MACROD2: variants seen among roughly 807,000 people sequenced by gnomAD.
MACROD2 encodes the protein mono-ADP ribosylhydrolase 2.
In MACROD2, 36 loss-of-function variants were observed where a neutral mutation model predicts 70.4. The ratio of observed to expected loss-of-function variants is 0.51; its 90% CI spans 0.39 to 0.68. The LOEUF is 0.68. Among genes scored for constraint, MACROD2 ranks in the 30% least tolerant of loss-of-function variants. The pLI is 0.00. For synonymous variants in MACROD2, 172 were observed against 178.8 expected (o/e 0.96, Z 0.30); for missense variants, 496 against 538.4 (o/e 0.92, Z 0.78).
intron 3 of MACROD2, among the ~76,000 whole-genome samples, chr20:14,414,468 G>C (rs2083782433): frequency 6.6e-6 from 1 of 152,136 alleles, no homozygotes; most frequent in Non-Finnish European, 1.5e-5. Context: ...TTTCTTGCCT[G>C]GATGATGGCA....
intron 3 of MACROD2, among the ~76,000 whole-genome samples, chr20:14,307,865 T>C (rs1032506221): frequency 6.6e-6 from 1 of 152,164 alleles, no homozygotes; most frequent in African/African-American, 2.4e-5. Flanking sequence ...TCCTTGATAG[T>C]GGAAGTATGG....
intron 5 of MACROD2, among the ~76,000 whole-genome samples, chr20:14,945,297 T>G (rs1418966872): frequency 6.6e-6 from 1 of 151,990 alleles, no homozygotes; most frequent in Non-Finnish European, 1.5e-5. Context: ...AGGCTGGTCC[T>G]GAACTCCTGA....
At chr20:14,533,236 C>T (rs1053209606) in intron 4 of MACROD2, among the ~76,000 whole-genome samples, 4 of 152,204 alleles carry the variant, frequency 2.6e-5, no homozygotes, top group African/African-American at 9.7e-5. Context: ...CTTATTTCTG[C>T]TTTCTTTAGC....
At chr20:15,692,797 A>G (rs114154606) in intron 8 of MACROD2, among the ~76,000 whole-genome samples, 4 of 152,112 alleles carry the variant, frequency 2.6e-5, no homozygotes, top group African/African-American at 9.7e-5. Flanking sequence ...GCCATTGCAT[A>G]TATTAGCTGG....
chr20:15,406,353 A>G (rs548362503), intron 6 of MACROD2, among the ~76,000 whole-genome samples: 1 of 152,340 alleles, frequency 6.6e-6, no homozygotes, highest in African/African-American at 2.4e-5. Context: ...TAAATGTCAA[A>G]TAGTAACAAC....
chr20:15,058,642 T>C (rs566856831), intron 5 of MACROD2, among the ~76,000 whole-genome samples: 1 of 152,340 alleles, frequency 6.6e-6, no homozygotes, highest in East Asian at 1.9e-4. Context: ...TATTTAATTA[T>C]GCTATGCTCT....
chr20:14,552,838 A>G (rs912308310), intron 4 of MACROD2, among the ~76,000 whole-genome samples: 1 of 152,202 alleles, frequency 6.6e-6, no homozygotes, highest in African/African-American at 2.4e-5. Context: ...GGCACTTACC[A>G]TGAATGGAGC....
chr20:14,768,741 C>T (rs1429617757), intron 5 of MACROD2, among the ~76,000 whole-genome samples: 1 of 152,000 alleles, frequency 6.6e-6, no homozygotes. Context: ...CTCAGCCTCC[C>T]ATGTAGCTGG....
intron 3 of MACROD2, among the ~76,000 whole-genome samples, chr20:14,392,964 G>C (rs1371117779): frequency 6.6e-6 from 1 of 152,058 alleles, no homozygotes; most frequent in Non-Finnish European, 1.5e-5. Flanking sequence ...GGTACCCATG[G>C]ATCTCTAGAA....
chr20:15,631,046 C>T (rs7271832), intron 8 of MACROD2, among the ~76,000 whole-genome samples: 1,681 of 152,282 alleles, frequency 0.011, 22 homozygotes, highest in African/African-American at 0.033. Context: ...TTTCTGAATA[C>T]GTAACTAAAA....
intron 8 of MACROD2, among the ~76,000 whole-genome samples, chr20:15,715,181 T>G (rs943803314): frequency 4.6e-5 from 7 of 152,144 alleles, no homozygotes; most frequent in African/African-American, 1.7e-4. Flanking sequence ...TTTATAATGA[T>G]GAGAAAACCA....
intron 15 of MACROD2, among the ~76,000 whole-genome samples, chr20:16,011,071 CCTGTG>C (rs1184192609): frequency 1.3e-5 from 2 of 152,144 alleles, no homozygotes; most frequent in African/African-American, 2.4e-5. Flanking sequence ...TTTGGGTCAA[CCTGTG>C]CTGAGACTGT....
chr20:15,463,849 A>C (rs532771841), intron 7 of MACROD2, among the ~76,000 whole-genome samples: 1 of 152,368 alleles, frequency 6.6e-6, no homozygotes, highest in Non-Finnish European at 1.5e-5. Context: ...TGAATATTTT[A>C]TTCCAAACTT....
At chr20:14,616,106 T>C (rs1983462399) in intron 4 of MACROD2, among the ~76,000 whole-genome samples, 1 of 152,130 alleles carries the variant, frequency 6.6e-6, no homozygotes, top group African/African-American at 2.4e-5. Flanking sequence ...CTCATGTTGA[T>C]TTGAATCCTG....
At chr20:16,019,092 A>G (rs543498366) in intron 15 of MACROD2, among the ~76,000 whole-genome samples, 8 of 152,334 alleles carry the variant, frequency 5.3e-5, no homozygotes, top group Admixed American at 4.6e-4. Flanking sequence ...GGCATCATTC[A>G]TCAAACATTT....
At chr20:15,101,313 C>T (rs916518578) in intron 5 of MACROD2, among the ~76,000 whole-genome samples, 1 of 151,776 alleles carries the variant, frequency 6.6e-6, no homozygotes, top group Non-Finnish European at 1.5e-5. Flanking sequence ...TGAAATGATT[C>T]AATTTCCTAT....
intron 8 of MACROD2, among the ~76,000 whole-genome samples, chr20:15,569,854 TATATATACC>T (rs2048354432): frequency 6.6e-6 from 1 of 152,152 alleles, no homozygotes; most frequent in African/African-American, 2.4e-5. Context: ...TTCCATTGTA[TATATATACC>T]ACATTTTATT....
chr20:14,785,972 T>C (rs781360305), intron 5 of MACROD2, among the ~76,000 whole-genome samples: 7 of 152,048 alleles, frequency 4.6e-5, no homozygotes, highest in Non-Finnish European at 4.4e-5. Flanking sequence ...TGGCCACCTC[T>C]ATCAAAAAAC....
Position 14,392,026 on chromosome 20 carries a change from C to CT in MACROD2, c.272-101444dup, listed in dbSNP as rs1555787802. Among the ~76,000 whole-genome samples the CT allele has an allele frequency of 1.7e-4, 26 of 150,002 alleles. 1 individual carries two copies. The highest frequency in any genetic ancestry group is 5.3e-4 in the Admixed American group (8 of 15,014). On this transcript the variant is annotated intron_variant, in intron 3 of 17. Coordinates refer to ENST00000684519, the MANE Select transcript of MACROD2 (RefSeq NM_001351661.2). ...GTTTTCTGCCTTAGGAATGCGACTTCTTTTTTTTTCAAAGTAAAAATAACC... is the reference window on the plus strand; with the variant it reads ...GTTTTCTGCCTTAGGAATGCGACTTCTTTTTTTTTTCAAAGTAAAAATAACC...
Sources: gnomAD v4.1 joint callset for allele counts (sites outside exome capture counted in the v4.1 genomes callset) on GRCh38, gnomAD v4.1.1 for gene constraint, MANE v1.5 for transcripts, NCBI Gene and HGNC (gene_info 2026-07-23, HGNC 2026-07-21) for gene names.